RNF145: variants seen among roughly 807,000 people sequenced by gnomAD.
RNF145 encodes the protein ring finger protein 145.
RNF145 carries 12 observed loss-of-function variants against 57.3 expected under a neutral mutation model. The observed-to-expected ratio is 0.21, with a 90% CI of 0.13 to 0.34. RNF145 has a LOEUF of 0.34. RNF145 is among the 10% of genes least tolerant of loss of function. The pLI is 1.00. For synonymous variants in RNF145, 262 were observed against 288.3 expected (o/e 0.91, Z 0.92); for missense variants, 429 against 799.0 (o/e 0.54, Z 5.58).
intron 5 of RNF145, among the ~76,000 whole-genome samples, chr5:159,174,809 TGC>T (rs1784663701): frequency 1.3e-5 from 2 of 151,906 alleles, no homozygotes; most frequent in Admixed American, 1.3e-4. Flanking sequence ...CTTAATAATC[TGC>T]AACTCACTAA....
intron 8 of RNF145, among the ~76,000 whole-genome samples, chr5:159,166,820 G>C (rs1427246493): frequency 6.6e-6 from 1 of 152,158 alleles, no homozygotes. Flanking sequence ...CTTATAGTTT[G>C]AAAGTATTTG....
intron 2 of RNF145, among the ~76,000 whole-genome samples, chr5:159,199,817 C>T (rs1785600406): frequency 6.6e-6 from 1 of 152,170 alleles, no homozygotes; most frequent in East Asian, 1.9e-4. Context: ...TCTACTCCTC[C>T]TTTCATATCC....
chr5:159,204,660 C>T (rs1486390616), intron 1 of RNF145, among the ~76,000 whole-genome samples: 1 of 151,796 alleles, frequency 6.6e-6, no homozygotes, highest in African/African-American at 2.4e-5. Flanking sequence ...AAAAATTAGC[C>T]GGGCATGGTG....
intron 4 of RNF145, among the ~76,000 whole-genome samples, chr5:159,178,163 T>C (rs1228176514): frequency 6.6e-6 from 1 of 152,002 alleles, no homozygotes; most frequent in Non-Finnish European, 1.5e-5. Context: ...CAAATAGCTG[T>C]ATTTTCTTTT....
In RNF145 at chr5:159,176,858, A is replaced by G; in HGVS notation, c.395T>C (p.Val132Ala). ...RFTTALIGQLVVCTLCSCVMK... is the reference protein window; with the variant it reads ...RFTTALIGQLAVCTLCSCVMK... The stretch of plus-strand genomic sequence containing the variant: ...GACACAGGAGCATAAAGTACACACC[A>G]CCAACTGACCTAAAATAGGGAATAG... The change falls in exon 5 of 11, where the codon GTG (valine) becomes GCG (alanine). Residue 132 changes from valine (V) to alanine (A), a missense_variant. Physicochemically the swap from Val to Ala is moderately conservative, Grantham distance 64. Transcript: ENST00000424310. The G allele has an allele frequency of 6.2e-7, 1 of 1,601,698 alleles. No individual in the cohort carries two copies. Among genetic ancestry groups the G allele is most frequent in the Non-Finnish European group, 8.5e-7 (1 of 1,170,974 alleles).
At chr5:159,186,650 G>A (rs1018928121) in intron 3 of RNF145, among the ~76,000 whole-genome samples, 2 of 151,940 alleles carry the variant, frequency 1.3e-5, no homozygotes, top group Non-Finnish European at 2.9e-5. Flanking sequence ...CTACCATACC[G>A]TCAGCACTGA....
intron 2 of RNF145, among the ~76,000 whole-genome samples, chr5:159,201,587 G>A (rs1785669374): frequency 6.6e-6 from 1 of 152,096 alleles, no homozygotes; most frequent in African/African-American, 2.4e-5. Flanking sequence ...GTCATCATAA[G>A]AAAAAGAGCA....
At position 159,209,216 on chromosome 5, in the gene RNF145, G is replaced by T. The variant is rs1248287343; in HGVS notation, c.-40+15C>A. The T allele has an allele frequency of 3.0e-5, 29 of 981,276 alleles. No homozygotes were observed. The highest frequency in any genetic ancestry group is 3.5e-5 in the Non-Finnish European group (29 of 826,446). The allele number at this position is 981,276 out of a possible 1,614,324, so 60.8% of individuals were successfully genotyped here. A position where few individuals can be genotyped will look rare whatever the true frequency, so the allele number is the denominator to read the frequency against. ...GCGCGGGGATGGGAAGGGGCCGGGC[G>T]GGCGGCGTGGTCACCTCAGGCTGCG... On this transcript the variant is annotated intron_variant, in intron 1 of 10. Transcript: ENST00000424310.
chr5:159,190,480 G>A lies in RNF145; in HGVS notation c.293+4236C>T, dbSNP rs189148479. Among the ~76,000 whole-genome samples, 133 of 152,142 alleles carry A rather than the reference G, an allele frequency of 8.7e-4. No individual in the cohort carries two copies. The Middle Eastern group carries it at 0.024, about 27-fold the overall frequency. On this transcript the variant is annotated intron_variant, in intron 3 of 10. Transcript: ENST00000424310. Reference sequence around the variant, plus strand: ...GCAGGAGGATATCTTGAGGGCAGGAGTTCAAGATCAGTCTGGGCAACACAG... The same window carrying A: ...GCAGGAGGATATCTTGAGGGCAGGAATTCAAGATCAGTCTGGGCAACACAG...
In RNF145 at chr5:159,158,584, T is replaced by C. The variant is rs1784113151; in HGVS notation, c.*86A>G. On this transcript the variant is annotated 3_prime_UTR_variant, in exon 11 of 11. Transcript: ENST00000424310. Reference sequence around the variant, plus strand: ...TCAGTTTCCTGCCTGATCATCTCATTTTCATTCCTCAAATCAGAACATGAA... The same window carrying C: ...TCAGTTTCCTGCCTGATCATCTCATCTTCATTCCTCAAATCAGAACATGAA... 2 of 1,479,780 alleles carry C rather than the reference T, an allele frequency of 1.4e-6. No homozygotes were observed. Among genetic ancestry groups the C allele is most frequent in the African/African-American group, 2.8e-5 (2 of 71,490 alleles). The allele number at this position is 1,479,780 out of a possible 1,614,324, so 91.7% of individuals were successfully genotyped here.
intron 1 of RNF145, among the ~76,000 whole-genome samples, chr5:159,204,287 T>C (rs1297820541): frequency 3.9e-5 from 6 of 152,150 alleles, no homozygotes; most frequent in Non-Finnish European, 5.9e-5. Context: ...CTTCAAGTGT[T>C]CATCAAATTC....
chr5:159,204,702 G>T (rs1270425703), intron 1 of RNF145, among the ~76,000 whole-genome samples: 1 of 150,720 alleles, frequency 6.6e-6, no homozygotes, highest in Non-Finnish European at 1.5e-5. Context: ...TACTCAGGAG[G>T]CTAGGGCAGA....
At position 159,162,965 on chromosome 5, in the gene RNF145, G is replaced by T; in HGVS notation, c.1236C>A (p.Ile412=). The T allele has an allele frequency of 6.2e-7, 1 of 1,612,848 alleles. No individual in the cohort carries two copies. Among genetic ancestry groups the T allele is most frequent in the Non-Finnish European group, 8.5e-7 (1 of 1,179,604 alleles). Residue 412 remains isoleucine, a synonymous_variant, in exon 9 of 11, where the codon ATC becomes ATA. Transcript: ENST00000424310. Reference sequence around the variant, plus strand: ...AGGTAAGAATGCTGCTGGAAATAATGATAAGAAGCCAAAAATCCATGTGGA... The same window carrying T: ...AGGTAAGAATGCTGCTGGAAATAATTATAAGAAGCCAAAAATCCATGTGGA... ...QFFHMDFWLL[I]IISSSILTSL...
chr5:159,184,518 T>A (rs1424728093), intron 3 of RNF145, among the ~76,000 whole-genome samples: 2 of 152,224 alleles, frequency 1.3e-5, no homozygotes, highest in Non-Finnish European at 2.9e-5. Context: ...ATGATGATGA[T>A]CAGTGCTGTA....
intron 4 of RNF145, among the ~76,000 whole-genome samples, chr5:159,180,814 A>G (rs1784866838): frequency 6.6e-6 from 1 of 152,082 alleles, no homozygotes; most frequent in African/African-American, 2.4e-5. Flanking sequence ...GCACACCTTA[A>G]TCTCAATTCA....
intron 10 of RNF145, among the ~76,000 whole-genome samples, chr5:159,160,689 A>G (rs916922635): frequency 2.6e-5 from 4 of 152,192 alleles, no homozygotes; most frequent in Admixed American, 6.5e-5. Context: ...GACAATCATC[A>G]GGCTCTTTAT....
chr5:159,208,023 T>A, intron 1 of RNF145: 3 of 1,531,988 alleles, frequency 2.0e-6, no homozygotes, highest in Non-Finnish European at 2.6e-6. Context: ...TCTCCTTCCC[T>A]TTCAGACTAG....
intron 3 of RNF145, among the ~76,000 whole-genome samples, chr5:159,194,121 T>C (rs541353548): frequency 6.6e-6 from 1 of 152,334 alleles, no homozygotes; most frequent in East Asian, 1.9e-4. Flanking sequence ...CAATCAACCT[T>C]ACAAGATAAT....
chr5:159,164,708 C>A (rs954517501), intron 8 of RNF145, among the ~76,000 whole-genome samples: 1 of 152,108 alleles, frequency 6.6e-6, no homozygotes, highest in Non-Finnish European at 1.5e-5. Flanking sequence ...AAATGACAAC[C>A]CATTTCCTAA....
Sources: gnomAD v4.1 joint callset for allele counts (sites outside exome capture counted in the v4.1 genomes callset) on GRCh38, gnomAD v4.1.1 for gene constraint, MANE v1.5 for transcripts, NCBI Gene and HGNC (gene_info 2026-07-23, HGNC 2026-07-21) for gene names.